The following ACCSL variants were observed in gnomAD, a reference collection of about 807,000 sequenced individuals.
ACCSL encodes probable inactive 1-aminocyclopropane-1-carboxylate synthase-like protein 2.
ACCSL carries 55 observed loss-of-function variants against 61.7 expected under a neutral mutation model. The ratio of observed to expected loss-of-function variants is 0.89; its 90% confidence interval spans 0.72 to 1.12. The LOEUF is 1.12. Among genes scored for constraint, ACCSL ranks in the 50% most tolerant of loss-of-function variants. ACCSL has a pLI of 0.00. For missense variants in ACCSL, 632 were observed against 698.0 expected (o/e 0.91, Z 1.07); for synonymous variants, 258 against 264.3 (o/e 0.98, Z 0.23).
At chr11:43,949,678 G>A in the ACCSL span, among the ~76,000 whole-genome samples, 4 of 152,274 alleles carry the variant, frequency 2.6e-5, no homozygotes, top group African/African-American at 7.2e-5. Context: ...AGCTGGGCAT[G>A]GTGGCACACG....
chr11:43,970,607 A>G, the ACCSL span, among the ~76,000 whole-genome samples: 3 of 152,160 alleles, frequency 2.0e-5, no homozygotes, highest in Non-Finnish European at 4.4e-5. Flanking sequence ...TTACTAAGAT[A>G]TTTGCCAATC....
chr11:44,027,520 C>A, the ACCSL span, among the ~76,000 whole-genome samples: 1 of 152,176 alleles, frequency 6.6e-6, no homozygotes, highest in Admixed American at 6.5e-5. Flanking sequence ...TAGCATTTTG[C>A]CTGGCACAGA....
At chr11:44,055,327 CACAA>C in intron 9 of ACCSL, 36 bp downstream of exon 9, 3 of 1,555,860 alleles carry the variant, frequency 1.9e-6, no homozygotes, top group Non-Finnish European at 2.7e-6. Context: ...GAACGAGAAC[CACAA>C]GGTTCTTGTT....
chr11:44,047,019 C>CA (rs201589842), upstream of ACCSL, among the ~76,000 whole-genome samples: 1,187 of 149,058 alleles, frequency 8.0e-3, 8 homozygotes, highest in Non-Finnish European at 0.012. Flanking sequence ...CCAGTCCCTC[C>CA]AAAAAAAAAC....
chr11:43,988,531 A>G, the ACCSL span, among the ~76,000 whole-genome samples: 1 of 151,540 alleles, frequency 6.6e-6, no homozygotes, highest in Non-Finnish European at 1.5e-5. Context: ...GCAGTGAGTC[A>G]TTTTGCCAGC....
At chr11:44,022,103 T>G in the ACCSL span, among the ~76,000 whole-genome samples, 2 of 152,138 alleles carry the variant, frequency 1.3e-5, no homozygotes, top group African/African-American at 4.8e-5. Flanking sequence ...ATGAGGGCTC[T>G]TTTTTGGTTT....
At chr11:44,053,136 C>T in intron 7 of ACCSL, 68 bp downstream of exon 7, 1 of 1,388,048 alleles carries the variant, frequency 7.2e-7, no homozygotes, top group Non-Finnish European at 1.0e-6. Flanking sequence ...TATTGAAATT[C>T]TGGTACTGCT....
At chr11:43,995,943 C>T in the ACCSL span, among the ~76,000 whole-genome samples, 1 of 152,214 alleles carries the variant, frequency 6.6e-6, no homozygotes, top group African/African-American at 2.4e-5. Flanking sequence ...AGATGACCAA[C>T]TTAAGATAAA....
the ACCSL span, among the ~76,000 whole-genome samples, chr11:43,969,022 T>C: frequency 6.6e-6 from 1 of 152,162 alleles, no homozygotes; most frequent in Admixed American, 6.5e-5. Flanking sequence ...TGTTCCATAC[T>C]TTCTTGCCAG....
At chr11:44,015,374 G>A in the ACCSL span, among the ~76,000 whole-genome samples, 1 of 152,226 alleles carries the variant, frequency 6.6e-6, no homozygotes, top group South Asian at 2.1e-4. Flanking sequence ...TGGCTGCAAA[G>A]CCTCTGCTCT....
chr11:44,010,742 T>C, the ACCSL span, among the ~76,000 whole-genome samples: 1 of 152,196 alleles, frequency 6.6e-6, no homozygotes, highest in Admixed American at 6.5e-5. Context: ...AACCCTTTCC[T>C]GGGCCTCCTG....
At chr11:43,982,596 G>C in the ACCSL span, among the ~76,000 whole-genome samples, 1 of 152,130 alleles carries the variant, frequency 6.6e-6, no homozygotes, top group African/African-American at 2.4e-5. Context: ...CCCGCATGGG[G>C]AGGCAGGTGC....
the ACCSL span, among the ~76,000 whole-genome samples, chr11:43,987,930 C>A: frequency 6.6e-6 from 1 of 151,778 alleles, no homozygotes; most frequent in Non-Finnish European, 1.5e-5. Flanking sequence ...TCTTCCCCCA[C>A]CCCCCCGCAG....
At chr11:43,949,206 C>T in the ACCSL span, among the ~76,000 whole-genome samples, 1 of 152,206 alleles carries the variant, frequency 6.6e-6, no homozygotes, top group Non-Finnish European at 1.5e-5. Flanking sequence ...CTGGCACCCC[C>T]CTCCAACTCC....
At chr11:44,020,796 G>T in the ACCSL span, among the ~76,000 whole-genome samples, 1 of 149,814 alleles carries the variant, frequency 6.7e-6, no homozygotes, top group Non-Finnish European at 1.5e-5. Flanking sequence ...CATTTCCCCT[G>T]ACTCCCCAAA....
chr11:43,942,674 C>G, the ACCSL span: 1 of 220,638 alleles, frequency 4.5e-6, no homozygotes, highest in Non-Finnish European at 9.1e-6. Context: ...CCTCGGAGCG[C>G]GGCGGAACAG....
At chr11:44,040,314 G>C in the ACCSL span, among the ~76,000 whole-genome samples, 1 of 152,322 alleles carries the variant, frequency 6.6e-6, no homozygotes, top group South Asian at 2.1e-4. Flanking sequence ...CTACTTCAAA[G>C]AGCCTGGTCC....
chr11:43,923,017 A>C, the ACCSL span, among the ~76,000 whole-genome samples: 22 of 152,208 alleles, frequency 1.4e-4, no homozygotes, highest in African/African-American at 5.3e-4. Context: ...ATTCCTGATA[A>C]GTTTGAGTCA....
chr11:43,951,958 G>A, the ACCSL span, among the ~76,000 whole-genome samples: 1 of 152,006 alleles, frequency 6.6e-6, no homozygotes, highest in Non-Finnish European at 1.5e-5. Context: ...CTGAGATCGT[G>A]CCTCTGCACT....
Sources: gnomAD v4.1 joint callset for allele counts (sites outside exome capture counted in the v4.1 genomes callset) on GRCh38, gnomAD v4.1.1 for gene constraint, MANE v1.5 for transcripts, NCBI Gene and HGNC (gene_info 2026-07-23, HGNC 2026-07-21) for gene names.